The following NKAIN2 variants were observed in gnomAD, a reference collection of about 807,000 sequenced individuals.
NKAIN2 encodes the protein sodium/potassium-transporting ATPase subunit beta-1-interacting protein 2.
Under a neutral mutation model 32.6 loss-of-function variants are expected in NKAIN2, and 14 were observed. That is an observed-to-expected ratio of 0.43 (90% CI 0.28 to 0.67). The LOEUF is 0.67. Ranked by LOEUF, NKAIN2 falls within the 30% of genes least tolerant of loss-of-function variation. NKAIN2 has a pLI of 0.17. For synonymous variants in NKAIN2, 80 were observed against 87.2 expected, an observed-to-expected ratio of 0.92 and a Z score of 0.46; for missense variants, 198 against 258.3, an observed-to-expected ratio of 0.77 and a Z score of 1.60.
intron 1 of NKAIN2, among the ~76,000 whole-genome samples, chr6:124,092,004 T>C (rs542550250): frequency 1.3e-5 from 2 of 152,234 alleles, no homozygotes; most frequent in South Asian, 2.1e-4. Flanking sequence ...CCAACACTTA[T>C]GTACTTTGCT....
In NKAIN2 at chr6:123,900,532, GTTTTTTTTTTTTTTTTTT is replaced by G. The variant is rs34370743; in HGVS notation, c.54+96298_54+96315del. On this transcript the variant is annotated intron_variant, in intron 1 of 6. Transcript: ENST00000368417. ...GGCAAGGTTTTCTGTCTCCAGATTA[GTTTTTTTTTTTTTTTTTT>G]TTTTTTTTTTTTTTTTTTTGGTGAC... Among the ~76,000 whole-genome samples the G allele has an allele frequency of 6.1e-3, 200 of 32,790 alleles. 1 individual carries two copies. Among genetic ancestry groups the G allele is most frequent in the African/African-American group, 8.7e-3 (171 of 19,756 alleles). 21.5% of individuals were successfully genotyped at this position (32,790 alleles called of 152,430 possible).
chr6:124,037,806 A>T (rs1781671798), intron 1 of NKAIN2, among the ~76,000 whole-genome samples: 1 of 152,120 alleles, frequency 6.6e-6, no homozygotes, highest in African/African-American at 2.4e-5. Flanking sequence ...ATGATAGAAC[A>T]GGTAAATTCC....
At chr6:124,790,300 T>C (rs1277814457) in intron 4 of NKAIN2, among the ~76,000 whole-genome samples, 1 of 152,140 alleles carries the variant, frequency 6.6e-6, no homozygotes, top group Non-Finnish European at 1.5e-5. Context: ...CTATCTGTCA[T>C]CTAATGAAAA....
intron 4 of NKAIN2, among the ~76,000 whole-genome samples, chr6:124,773,736 G>A (rs373736414): frequency 2.6e-5 from 4 of 152,158 alleles, no homozygotes; most frequent in South Asian, 2.1e-4. Context: ...TCATGTATCC[G>A]ATTAAATTAC....
chr6:124,591,462 T>C (rs1005235645), intron 3 of NKAIN2, among the ~76,000 whole-genome samples: 4 of 152,132 alleles, frequency 2.6e-5, no homozygotes, highest in Admixed American at 6.5e-5. Context: ...CTTTTGGGGA[T>C]ATTTCAAAGC....
At chr6:124,274,371 G>A (rs949624688) in intron 1 of NKAIN2, among the ~76,000 whole-genome samples, 3 of 152,150 alleles carry the variant, frequency 2.0e-5, no homozygotes, top group South Asian at 2.1e-4. Context: ...ATAGTTATTA[G>A]TGTGTCTTTT....
At chr6:124,638,109 T>C (rs1350182330) in intron 3 of NKAIN2, among the ~76,000 whole-genome samples, 3 of 152,160 alleles carry the variant, frequency 2.0e-5, no homozygotes, top group Admixed American at 6.5e-5. Flanking sequence ...AAAAAATCCA[T>C]GTATTCACAG....
At chr6:124,820,042 T>G (rs1026913026) in intron 6 of NKAIN2, among the ~76,000 whole-genome samples, 16 of 152,190 alleles carry the variant, frequency 1.1e-4, no homozygotes, top group African/African-American at 3.9e-4. Flanking sequence ...TATGAAACAT[T>G]TGTTAATCTT....
intron 2 of NKAIN2, among the ~76,000 whole-genome samples, chr6:124,339,193 T>C (rs994698111): frequency 1.3e-5 from 2 of 152,006 alleles, no homozygotes; most frequent in African/African-American, 4.8e-5. Context: ...ATACAAAAAG[T>C]AGCCGGGCGT....
At chr6:124,577,674 C>G (rs904975276) in intron 3 of NKAIN2, among the ~76,000 whole-genome samples, 1 of 152,034 alleles carries the variant, frequency 6.6e-6, no homozygotes, top group Non-Finnish European at 1.5e-5. Context: ...TGCTGTGCTT[C>G]GCTCACAGCC....
chr6:123,944,630 G>T (rs1776984351), intron 1 of NKAIN2, among the ~76,000 whole-genome samples: 1 of 152,036 alleles, frequency 6.6e-6, no homozygotes, highest in Non-Finnish European at 1.5e-5. Context: ...TCTTCTTGGT[G>T]ACAAACACTT....
chr6:124,451,902 C>T (rs7748492), intron 3 of NKAIN2, among the ~76,000 whole-genome samples: 11,097 of 151,892 alleles, frequency 0.073, 1,226 homozygotes, highest in African/African-American at 0.23. Flanking sequence ...AAAATCTCTT[C>T]AAACCTGGAG....
At chr6:124,097,178 G>A (rs1016344187) in intron 1 of NKAIN2, among the ~76,000 whole-genome samples, 3 of 152,084 alleles carry the variant, frequency 2.0e-5, no homozygotes, top group Admixed American at 6.5e-5. Context: ...GGGAGGCTGA[G>A]GCGGGCAGAT....
At chr6:123,855,554 A>T (rs565198820) in intron 1 of NKAIN2, among the ~76,000 whole-genome samples, 1 of 152,326 alleles carries the variant, frequency 6.6e-6, no homozygotes, top group East Asian at 1.9e-4. Context: ...TTGTCAGAGC[A>T]CCATATTTGC....
At position 123,866,077 on chromosome 6, in the gene NKAIN2, A is replaced by T. The variant is rs1775969346; in HGVS notation, c.54+61823A>T. On this transcript the variant is annotated intron_variant, in intron 1 of 6. Transcript: ENST00000368417. ...TCTCCCTAGTATAAACCATAATGTG[A>T]TTTATTACTTAAGTAAAGCTGACTT... Among the ~76,000 whole-genome samples, 3 of 152,164 alleles carry T rather than the reference A, an allele frequency of 2.0e-5. 1 individual carries two copies. In the South Asian group the frequency reaches 6.2e-4, roughly 32 times the overall value.
Position 124,298,045 on chromosome 6 carries a change from A to T in NKAIN2, c.192+14903A>T, listed in dbSNP as rs192807365. Among the ~76,000 whole-genome samples, 247 of 152,280 alleles carry T rather than the reference A, an allele frequency of 1.6e-3. 3 individuals are homozygous for T. The highest frequency in any genetic ancestry group is 2.4e-3 in the Non-Finnish European group (160 of 68,026). On this transcript the variant is annotated intron_variant, in intron 2 of 6. Transcript: ENST00000368417. ...TGTGTCTTGCATAAGTAGACTCTCA[A>T]ATGTTATCTATTATGTTAATAACTT...
At position 123,911,812 on chromosome 6, in the gene NKAIN2, TACACACAC is replaced by T. The variant is rs60501930; in HGVS notation, c.54+107598_54+107605del. ...ATATATATATATATGTATATATATATACACACACACACACACACACACACACACACACA... is the reference window on the plus strand; with the variant it reads ...ATATATATATATATGTATATATATATACACACACACACACACACACACACA... On this transcript the variant is annotated intron_variant, in intron 1 of 6. Transcript: ENST00000368417. Among the ~76,000 whole-genome samples, 552 of 84,978 alleles carry T rather than the reference TACACACAC, an allele frequency of 6.5e-3. 39 individuals are homozygous for T. Among genetic ancestry groups the T allele is most frequent in the African/African-American group, 0.021 (452 of 21,820 alleles). The allele number at this position is 84,978 out of a possible 152,430, so 55.7% of individuals were successfully genotyped here.
At chr6:124,214,221 T>G (rs1381193651) in intron 1 of NKAIN2, among the ~76,000 whole-genome samples, 2 of 152,094 alleles carry the variant, frequency 1.3e-5, no homozygotes, top group Non-Finnish European at 2.9e-5. Flanking sequence ...GATTAAGAAA[T>G]AGCACACCAT....
chr6:124,226,144 C>G (rs1010643050), intron 1 of NKAIN2, among the ~76,000 whole-genome samples: 2 of 151,510 alleles, frequency 1.3e-5, no homozygotes, highest in South Asian at 4.2e-4. Context: ...TGGAAATAGT[C>G]TTTAATTTGT....
Sources: gnomAD v4.1 joint callset for allele counts (sites outside exome capture counted in the v4.1 genomes callset) on GRCh38, gnomAD v4.1.1 for gene constraint, MANE v1.5 for transcripts, NCBI Gene and HGNC (gene_info 2026-07-23, HGNC 2026-07-21) for gene names.